Variants in THSD7B observed in about 807,000 individuals in gnomAD.
THSD7B encodes the protein thrombospondin type-1 domain-containing protein 7B.
In THSD7B, 138 loss-of-function variants were observed where a neutral mutation model predicts 213.6. The ratio of observed to expected loss-of-function variants is 0.65; its 90% confidence interval spans 0.56 to 0.74. The LOEUF (loss-of-function observed/expected upper bound fraction) is 0.74, where lower values mean the gene tolerates loss of function less well. Ranked by LOEUF, THSD7B falls within the 30% of genes least tolerant of loss-of-function variation. The pLI is 0.00. For synonymous variants in THSD7B, 742 were observed against 687.0 expected (o/e 1.08, Z -1.25); for missense variants, 1,931 against 1,991.5 (o/e 0.97, Z 0.58).
intron 17 of THSD7B, among the ~76,000 whole-genome samples, chr2:137,612,027 G>A (rs1487392517): frequency 2.0e-5 from 3 of 152,138 alleles, no homozygotes; most frequent in African/African-American, 7.2e-5. Flanking sequence ...ACCAAGTGAT[G>A]CATATAGATA....
At chr2:137,017,486 C>T (rs1014125813) in intron 2 of THSD7B, among the ~76,000 whole-genome samples, 1 of 152,022 alleles carries the variant, frequency 6.6e-6, no homozygotes, top group African/African-American at 2.4e-5. Flanking sequence ...GCTTGGGAGT[C>T]TGGGTCTGAT....
At chr2:137,209,133 T>C (rs1681046087) in intron 7 of THSD7B, among the ~76,000 whole-genome samples, 1 of 152,106 alleles carries the variant, frequency 6.6e-6, no homozygotes, top group South Asian at 2.1e-4. Flanking sequence ...CAAGGACAGC[T>C]TGGAGGTTAG....
chr2:136,900,459 TAC>T (rs961308582), intron 2 of THSD7B, among the ~76,000 whole-genome samples: 5 of 151,572 alleles, frequency 3.3e-5, no homozygotes, highest in African/African-American at 4.8e-5. Context: ...TACACACACA[TAC>T]ACACACACAC....
chr2:137,074,033 G>T (rs1034299207), intron 3 of THSD7B, among the ~76,000 whole-genome samples: 8 of 152,050 alleles, frequency 5.3e-5, no homozygotes, highest in Non-Finnish European at 1.0e-4. Context: ...AGTAGGTGTA[G>T]TGTGGTGCTG....
chr2:137,566,017 C>G (rs1381783866), intron 16 of THSD7B, among the ~76,000 whole-genome samples: 1 of 152,144 alleles, frequency 6.6e-6, no homozygotes, highest in Non-Finnish European at 1.5e-5. Context: ...ATATGTGAAG[C>G]AGATCTTCCA....
At chr2:137,331,371 C>G (rs964764466) in intron 12 of THSD7B, among the ~76,000 whole-genome samples, 1 of 152,014 alleles carries the variant, frequency 6.6e-6, no homozygotes, top group Non-Finnish European at 1.5e-5. Context: ...CCCACCAGAG[C>G]AGCTAGATAC....
rs1416247059 is a variant in THSD7B, at chr2:137,663,519, T to A, written c.4595T>A (p.Val1532Glu). The A allele has an allele frequency of 1.9e-6, 3 of 1,608,394 alleles. No individual in the cohort carries two copies. The highest frequency in any genetic ancestry group is 3.4e-5 in the Admixed American group (2 of 59,412). ...VKNLSGKNRP[V>E]NSKIHDIFKG... The stretch of plus-strand genomic sequence containing the variant: ...AACCTTTCTGGGAAAAACAGACCTG[T>A]GAATTCAAAAATACATGATATTTTT... Residue 1532 changes from valine (V) to glutamate (E), a missense_variant, in exon 26 of 28, where the codon GTG (valine) becomes GAG (glutamate). Coordinates refer to ENST00000409968, the MANE Select transcript of THSD7B (RefSeq NM_001316349.2).
chr2:137,012,840 A>G (rs1686256166), intron 2 of THSD7B, among the ~76,000 whole-genome samples: 1 of 152,250 alleles, frequency 6.6e-6, no homozygotes, highest in African/African-American at 2.4e-5. Context: ...TTTGTCAAAA[A>G]TAAACTTTCT....
intron 12 of THSD7B, among the ~76,000 whole-genome samples, chr2:137,311,524 C>T (rs912186293): frequency 6.6e-6 from 1 of 152,032 alleles, no homozygotes; most frequent in African/African-American, 2.4e-5. Context: ...TTGCCCTGAA[C>T]AGAACTTCCA....
At chr2:136,847,840 A>C (rs1013462057) in intron 1 of THSD7B, among the ~76,000 whole-genome samples, 1 of 152,172 alleles carries the variant, frequency 6.6e-6, no homozygotes, top group Non-Finnish European at 1.5e-5. Flanking sequence ...GCTTCTATTT[A>C]GTTTGAATGA....
chr2:137,018,945 A>T (rs116354344), intron 2 of THSD7B, among the ~76,000 whole-genome samples: 283 of 152,168 alleles, frequency 1.9e-3, no homozygotes, highest in African/African-American at 6.6e-3. Flanking sequence ...ACTGTTTCAA[A>T]TATCTTGGCA....
chr2:137,365,261 C>A (rs924968799), intron 12 of THSD7B, among the ~76,000 whole-genome samples: 6 of 152,010 alleles, frequency 3.9e-5, no homozygotes, highest in African/African-American at 1.4e-4. Flanking sequence ...TAAAGACTTA[C>A]CTGTTAGATC....
intron 2 of THSD7B, among the ~76,000 whole-genome samples, chr2:136,954,245 G>A (rs1343035026): frequency 6.6e-6 from 1 of 152,202 alleles, no homozygotes; most frequent in Non-Finnish European, 1.5e-5. Context: ...AATCTGGTTT[G>A]AGAGTCCGGA....
intron 1 of THSD7B, among the ~76,000 whole-genome samples, chr2:136,800,265 T>C (rs1003702443): frequency 6.6e-6 from 1 of 152,044 alleles, no homozygotes; most frequent in African/African-American, 2.4e-5. Context: ...TTTCTGCTAT[T>C]TTTTTCAATA....
rs202045216 is a variant in THSD7B at position 137,169,022 on chromosome 2, TA to T, written c.1526-1718del. ...TATAAAGCACGGCAGAAACCATTAT[TA>T]TTTTTTTTTTAACCGCTCTGATCTT... On this transcript the variant is annotated intron_variant, in intron 6 of 27. Coordinates refer to ENST00000409968, the MANE Select transcript of THSD7B (RefSeq NM_001316349.2). 6.9e-3 allele frequency among the ~76,000 whole-genome samples: 1,055 copies of T among 152,044 alleles called. 9 individuals carry two copies. The highest frequency in any genetic ancestry group is 0.022 in the African/African-American group (911 of 41,482).
chr2:137,314,699 T>G (rs1684036661), intron 12 of THSD7B, among the ~76,000 whole-genome samples: 1 of 152,214 alleles, frequency 6.6e-6, no homozygotes, highest in South Asian at 2.1e-4. Context: ...TGGATGTCCT[T>G]TCTGTTTGTT....
At chr2:137,520,388 G>A (rs957911071) in intron 15 of THSD7B, among the ~76,000 whole-genome samples, 3 of 152,166 alleles carry the variant, frequency 2.0e-5, no homozygotes, top group African/African-American at 4.8e-5. Context: ...ACTAGGATAA[G>A]CACTCTGTAT....
chr2:137,573,567 C>G (rs2105236238), intron 17 of THSD7B, among the ~76,000 whole-genome samples: 1 of 152,114 alleles, frequency 6.6e-6, no homozygotes, highest in South Asian at 2.1e-4. Flanking sequence ...ATAAGAATAA[C>G]TTGTAGAAGT....
At position 137,397,260 on chromosome 2, in the gene THSD7B, C is replaced by T. The variant is rs552867428; in HGVS notation, c.2501-8353C>T. ...AGTTGATGCAGTTTCTTCCTAGTCT[C>T]GATGTTCTTTACATTTGGGCATGAT... On this transcript the variant is annotated intron_variant, in intron 12 of 27. Coordinates refer to ENST00000409968, the MANE Select transcript of THSD7B (RefSeq NM_001316349.2). Among the ~76,000 whole-genome samples the T allele has an allele frequency of 1.3e-3, 194 of 152,136 alleles. 1 individual carries two copies. Among genetic ancestry groups the T allele is most frequent in the African/African-American group, 4.3e-3 (178 of 41,494 alleles).
Sources: allele counts gnomAD v4.1 joint callset (sites outside exome capture counted in the v4.1 genomes callset), GRCh38; gene constraint gnomAD v4.1.1; transcripts MANE v1.5; gene names NCBI Gene and HGNC (gene_info 2026-07-23, HGNC 2026-07-21).